The following RNF130 variants were observed in gnomAD, a reference collection of about 807,000 sequenced individuals.
The protein encoded by RNF130 is ring finger protein 130.
In RNF130, 21 loss-of-function variants were observed where a neutral mutation model predicts 44.6. That is an observed-to-expected ratio of 0.47 (90% CI 0.33 to 0.68). The LOEUF is 0.68. Ranked by LOEUF, RNF130 falls within the 30% of genes least tolerant of loss-of-function variation. The pLI is 0.02. For synonymous variants in RNF130, 214 were observed against 210.4 expected (o/e 1.02, Z -0.15); for missense variants, 479 against 560.6 (o/e 0.85, Z 1.47).
At chr5:180,056,871 A>G (rs78425170) in intron 1 of RNF130, among the ~76,000 whole-genome samples, 5 of 152,330 alleles carry the variant, frequency 3.3e-5, no homozygotes, top group Non-Finnish European at 7.4e-5. Flanking sequence ...AGTAACATGA[A>G]TTCATCTCAC....
intron 7 of RNF130, among the ~76,000 whole-genome samples, chr5:179,945,672 T>C (rs566956568): frequency 1.5e-4 from 23 of 152,246 alleles, no homozygotes; most frequent in Non-Finnish European, 3.2e-4. Context: ...GTTGAATGTA[T>C]CGGAGGTGCA....
intron 5 of RNF130, among the ~76,000 whole-genome samples, chr5:179,973,913 C>A (rs1378577215): frequency 6.6e-6 from 1 of 152,142 alleles, no homozygotes; most frequent in Non-Finnish European, 1.5e-5. Flanking sequence ...CTTGGGGATA[C>A]AGAACGAGAA....
At chr5:179,994,030 A>G (rs1190502810) in intron 3 of RNF130, among the ~76,000 whole-genome samples, 2 of 152,104 alleles carry the variant, frequency 1.3e-5, no homozygotes, top group Admixed American at 6.5e-5. Context: ...AAGATCCGAT[A>G]GTTGTAGATG....
chr5:180,022,091 C>T (rs1003594581), intron 2 of RNF130, among the ~76,000 whole-genome samples: 9 of 152,224 alleles, frequency 5.9e-5, no homozygotes, highest in African/African-American at 9.7e-5. Flanking sequence ...GGTGAGGCTG[C>T]GCTCTTTTCA....
intron 3 of RNF130, among the ~76,000 whole-genome samples, chr5:179,981,103 C>T (rs1412599811): frequency 3.3e-5 from 5 of 151,716 alleles, no homozygotes; most frequent in African/African-American, 9.7e-5. Flanking sequence ...GAGGGGGTTC[C>T]GGGTGTAGGG....
At chr5:179,940,742 T>C (rs1226255069) in intron 7 of RNF130, among the ~76,000 whole-genome samples, 3 of 152,284 alleles carry the variant, frequency 2.0e-5, no homozygotes, top group Non-Finnish European at 4.4e-5. Context: ...TGCAGTTTGA[T>C]GTCTTTTGTC....
rs569906305 is a variant in RNF130 at position 180,069,949 on chromosome 5, C to G, written c.247+1507G>C. Among the ~76,000 whole-genome samples, 3 of 152,248 alleles carry G rather than the reference C, an allele frequency of 2.0e-5. No homozygotes were observed. In the South Asian group the frequency reaches 6.2e-4, roughly 32 times the overall value. On this transcript the variant is annotated intron_variant, in intron 1 of 8. Coordinates refer to ENST00000521389, the MANE Select transcript of RNF130 (RefSeq NM_018434.6). The stretch of plus-strand genomic sequence containing the variant: ...ACAAGTAGCTGAAGCACACGAACAC[C>G]GTGGAGGAAGGATCTGAAGTTCAGA...
At chr5:179,949,451 G>C (rs1311611759) in intron 7 of RNF130, among the ~76,000 whole-genome samples, 1 of 151,202 alleles carries the variant, frequency 6.6e-6, no homozygotes, top group Non-Finnish European at 1.5e-5. Flanking sequence ...GTAGAGATGG[G>C]GTCTTGCTAT....
chr5:180,004,873 C>G (rs1763427199), intron 3 of RNF130, among the ~76,000 whole-genome samples: 1 of 152,146 alleles, frequency 6.6e-6, no homozygotes, highest in Non-Finnish European at 1.5e-5. Context: ...AATCTTTCCC[C>G]AATGCAAAGT....
intron 1 of RNF130, among the ~76,000 whole-genome samples, chr5:180,061,155 G>A (rs948639746): frequency 2.7e-5 from 4 of 150,318 alleles, no homozygotes; most frequent in South Asian, 2.1e-4. Flanking sequence ...TGTGGGTGAC[G>A]CATCAGGATT....
intron 1 of RNF130, among the ~76,000 whole-genome samples, 167 bp from the exon 2 acceptor site, chr5:180,040,814 G>A (rs1339135361): frequency 6.6e-6 from 1 of 152,212 alleles, no homozygotes; most frequent in Non-Finnish European, 1.5e-5. Flanking sequence ...AGCTGAATCA[G>A]TACCTATAGG....
chr5:180,061,289 G>A lies in RNF130; in HGVS notation c.247+10167C>T, dbSNP rs115050190. On this transcript the variant is annotated intron_variant, in intron 1 of 8. Coordinates refer to ENST00000521389, the MANE Select transcript of RNF130 (RefSeq NM_018434.6). ...TCTTTTGGAAAAAACCACAACAACT[G>A]ACGTGACTTCAGGCACATCCAGAAG... is the stretch of plus-strand genomic sequence containing the variant. Among the ~76,000 whole-genome samples, 874 of 152,222 alleles carry A rather than the reference G, an allele frequency of 5.7e-3. 5 individuals are homozygous for A. Among genetic ancestry groups the A allele is most frequent in the Non-Finnish European group, 9.4e-3 (639 of 68,000 alleles).
intron 2 of RNF130, among the ~76,000 whole-genome samples, chr5:180,014,718 G>A (rs1763679344): frequency 6.6e-6 from 1 of 152,230 alleles, no homozygotes; most frequent in Non-Finnish European, 1.5e-5. Flanking sequence ...GGGCGTGGTG[G>A]CTCATGCCTA....
chr5:179,946,699 G>C (rs974529419), intron 7 of RNF130, among the ~76,000 whole-genome samples: 1 of 151,846 alleles, frequency 6.6e-6, no homozygotes, highest in Non-Finnish European at 1.5e-5. Flanking sequence ...GACTACAGGC[G>C]CCCGCCACCA....
At chr5:180,035,106 T>C (rs935421465) in intron 2 of RNF130, among the ~76,000 whole-genome samples, 2 of 152,202 alleles carry the variant, frequency 1.3e-5, no homozygotes, top group Non-Finnish European at 2.9e-5. Flanking sequence ...GTTTTGTTTG[T>C]TCCTCTTTTT....
At chr5:180,068,785 C>T (rs1045207112) in intron 1 of RNF130, among the ~76,000 whole-genome samples, 4 of 152,110 alleles carry the variant, frequency 2.6e-5, no homozygotes, top group Non-Finnish European at 5.9e-5. Flanking sequence ...TATCAAACAC[C>T]CTCAAAACAA....
At chr5:179,984,312 A>G (rs1165928480) in intron 3 of RNF130, among the ~76,000 whole-genome samples, 1 of 152,194 alleles carries the variant, frequency 6.6e-6, no homozygotes, top group Non-Finnish European at 1.5e-5. Context: ...TCTAAAGAAC[A>G]ACGCAGAAAC....
At chr5:180,021,884 C>T (rs1763879279) in intron 2 of RNF130, among the ~76,000 whole-genome samples, 1 of 152,200 alleles carries the variant, frequency 6.6e-6, no homozygotes, top group Non-Finnish European at 1.5e-5. Flanking sequence ...TCCTTTACAG[C>T]AGCCCAGGTC....
chr5:179,970,360 A>G (rs1028242685), intron 6 of RNF130, 50 bp downstream of exon 6: 25 of 1,335,740 alleles, frequency 1.9e-5, no homozygotes, highest in Admixed American at 5.6e-5. Context: ...TGTATTACAC[A>G]TACATATAAT....
Sources: gnomAD v4.1 joint callset for allele counts (sites outside exome capture counted in the v4.1 genomes callset) on GRCh38, gnomAD v4.1.1 for gene constraint, MANE v1.5 for transcripts, NCBI Gene and HGNC (gene_info 2026-07-23, HGNC 2026-07-21) for gene names.